DISC1: variants seen among roughly 807,000 people sequenced by gnomAD.
DISC1 encodes disrupted in schizophrenia 1 protein.
A neutral mutation model predicts 84.5 loss-of-function variants in DISC1; 57 were observed. The observed-to-expected ratio is 0.67, with a 90% CI of 0.55 to 0.84. DISC1 has a LOEUF of 0.84. Ranked by LOEUF, DISC1 falls within the 40% of genes least tolerant of loss-of-function variation. The pLI is 0.00. For missense variants in DISC1, 1,000 were observed against 1,057.8 expected (o/e 0.95, Z 0.76); for synonymous variants, 411 against 415.2 (o/e 0.99, Z 0.12).
chr1:231,711,746 C>T (rs568977395), intron 3 of DISC1, among the ~76,000 whole-genome samples: 7 of 152,228 alleles, frequency 4.6e-5, no homozygotes, highest in African/African-American at 1.7e-4. Flanking sequence ...CTGGTGTGAC[C>T]AGAGGTGGCA....
intron 9 of DISC1, among the ~76,000 whole-genome samples, chr1:231,888,378 AG>A (rs1308180359): frequency 2.6e-5 from 4 of 152,162 alleles, no homozygotes; most frequent in African/African-American, 9.6e-5. Context: ...CAAGTGAGCA[AG>A]GGGAGGGAGA....
At chr1:231,689,858 G>C (rs201177400) in intron 1 of DISC1, among the ~76,000 whole-genome samples, 61 of 152,226 alleles carry the variant, frequency 4.0e-4, no homozygotes, top group South Asian at 1.0e-3. Flanking sequence ...CAATACTTAG[G>C]GGGGAATGAG....
chr1:231,641,500 G>A (rs1219796649), intron 1 of DISC1, among the ~76,000 whole-genome samples: 2 of 152,216 alleles, frequency 1.3e-5, no homozygotes, highest in African/African-American at 4.8e-5. Flanking sequence ...TAAAGGCAGT[G>A]TGGACCCAAA....
rs192942761 is a variant in DISC1, at chr1:231,751,447, C to G, written c.1268+1371C>G. ...CATTTTTGAAAATTGTGGTAAAATACACATAACATAAAATTCACCATCTTA... is the reference window on the plus strand; with the variant it reads ...CATTTTTGAAAATTGTGGTAAAATAGACATAACATAAAATTCACCATCTTA... On this transcript the variant is annotated intron_variant, in intron 4 of 12. Transcript: ENST00000439617. Among the ~76,000 whole-genome samples the G allele has an allele frequency of 1.8e-4, 28 of 152,222 alleles. No individual in the cohort carries two copies. In the East Asian group the frequency reaches 4.8e-3, roughly 26 times the overall value.
chr1:231,647,630 A>G (rs1191117711), intron 1 of DISC1, among the ~76,000 whole-genome samples: 1 of 152,144 alleles, frequency 6.6e-6, no homozygotes, highest in Non-Finnish European at 1.5e-5. Flanking sequence ...ATGGCATTGA[A>G]TCTATAAATT....
At chr1:231,773,570 G>GAGACAGGGTTTCACCATGTT (rs1186990676) in intron 6 of DISC1, among the ~76,000 whole-genome samples, 1 of 152,068 alleles carries the variant, frequency 6.6e-6, no homozygotes, top group Non-Finnish European at 1.5e-5. Flanking sequence ...ATTTTTAGTA[G>GAGACAGGGTTTCACCATGTT]AGACAGGGTT....
chr1:232,007,269 TG>T (rs1346023230), intron 10 of DISC1, among the ~76,000 whole-genome samples: 1 of 152,110 alleles, frequency 6.6e-6, no homozygotes, highest in Admixed American at 6.5e-5. Flanking sequence ...GACCCCAGAA[TG>T]GTAGATCCAC....
At chr1:231,983,550 TGGGGGG>T (rs1663934138) in intron 10 of DISC1, among the ~76,000 whole-genome samples, 1 of 5,402 alleles carries the variant, frequency 1.9e-4, no homozygotes, top group Non-Finnish European at 3.5e-4. Flanking sequence ...GGGGTGGGGG[TGGGGGG>T]AGGTAGAGGA....
intron 9 of DISC1, among the ~76,000 whole-genome samples, chr1:231,843,311 G>A (rs2083213971): frequency 6.6e-6 from 1 of 152,182 alleles, no homozygotes; most frequent in Admixed American, 6.5e-5. Context: ...GTGGGGTGGA[G>A]GAGTGGGGAG....
intron 9 of DISC1, among the ~76,000 whole-genome samples, chr1:231,918,163 G>A (rs1440084582): frequency 6.6e-6 from 1 of 152,308 alleles, no homozygotes; most frequent in African/African-American, 2.4e-5. Flanking sequence ...CCGGCTCTTC[G>A]TCATTTTCCC....
Position 231,685,666 on chromosome 1 carries a change from T to C in DISC1, c.68-8160T>C, listed in dbSNP as rs2064180940. Among the ~76,000 whole-genome samples, 3 of 152,244 alleles carry C rather than the reference T, an allele frequency of 2.0e-5. No homozygotes were observed. The East Asian group carries it at 5.8e-4, about 29-fold the overall frequency. On this transcript the variant is annotated intron_variant, in intron 1 of 12. Coordinates refer to ENST00000439617, the MANE Select transcript of DISC1 (RefSeq NM_018662.3). ...CAGAGTTTCACCATATTGGCCAGGC[T>C]GGTCTCGAACTCCTGACCTCGTGAT...
intron 10 of DISC1, among the ~76,000 whole-genome samples, chr1:232,005,885 A>G (rs1177141837): frequency 6.6e-6 from 1 of 152,190 alleles, no homozygotes; most frequent in African/African-American, 2.4e-5. Context: ...TCTAGCATGA[A>G]GCTGTCTGGA....
chr1:231,855,946 A>G (rs913098102), intron 9 of DISC1, among the ~76,000 whole-genome samples: 1 of 152,230 alleles, frequency 6.6e-6, no homozygotes, highest in Admixed American at 6.5e-5. Flanking sequence ...CAGATCCTAA[A>G]ATGGCACTTT....
chr1:231,849,450 G>T (rs777457754), intron 9 of DISC1, among the ~76,000 whole-genome samples: 22 of 152,162 alleles, frequency 1.4e-4, no homozygotes, highest in Admixed American at 2.6e-4. Context: ...GGAAACTAGT[G>T]CTCAGAGAGG....
At chr1:231,881,580 G>T (rs2086292901) in intron 9 of DISC1, among the ~76,000 whole-genome samples, 1 of 152,108 alleles carries the variant, frequency 6.6e-6, no homozygotes, top group African/African-American at 2.4e-5. Context: ...GGTCCCAGGG[G>T]TTAAGGTCTC....
At chr1:231,904,831 A>G (rs769432584) in intron 9 of DISC1, among the ~76,000 whole-genome samples, 16 of 152,174 alleles carry the variant, frequency 1.1e-4, no homozygotes, top group Non-Finnish European at 1.8e-4. Flanking sequence ...AAAATGGGGG[A>G]CATGCAAAAG....
chr1:231,757,023 G>A (rs1165377843), intron 4 of DISC1, among the ~76,000 whole-genome samples: 1 of 152,144 alleles, frequency 6.6e-6, no homozygotes, highest in East Asian at 1.9e-4. Context: ...AGCCTGGACA[G>A]AAACCGCTCT....
Position 231,795,263 on chromosome 1 carries a change from C to T in DISC1, c.1656C>T (p.Ser552=), listed in dbSNP as rs1268101393. The part of the protein sequence containing the change: ...TIRSLQERIK[S]LNLSLKEITT... ...CCAGCCTCCAGGAAAGAATAAAATC[C>T]CTCAACTTGTCACTTAAAGAAATCA... Residue 552 remains serine, a synonymous_variant, in exon 7 of 13, where the codon TCC becomes TCT. Coordinates refer to ENST00000439617, the MANE Select transcript of DISC1 (RefSeq NM_018662.3). 1 of 1,613,620 alleles carries T rather than the reference C, an allele frequency of 6.2e-7. No homozygotes were observed. Among genetic ancestry groups the T allele is most frequent in the Non-Finnish European group, 8.5e-7 (1 of 1,179,682 alleles).
intron 1 of DISC1, among the ~76,000 whole-genome samples, chr1:231,631,700 A>G (rs1316903867): frequency 6.6e-6 from 1 of 152,000 alleles, no homozygotes; most frequent in Non-Finnish European, 1.5e-5. Flanking sequence ...TGCACAATGT[A>G]TTTGTGTTTT....
Sources: allele counts gnomAD v4.1 joint callset (sites outside exome capture counted in the v4.1 genomes callset), GRCh38; gene constraint gnomAD v4.1.1; transcripts MANE v1.5; gene names NCBI Gene and HGNC (gene_info 2026-07-23, HGNC 2026-07-21).